The following PAK5 variants were observed in gnomAD, a reference collection of about 807,000 sequenced individuals.
PAK5 encodes serine/threonine-protein kinase PAK 5.
In PAK5, 16 loss-of-function variants were observed where a neutral mutation model predicts 65.9. The ratio of observed to expected loss-of-function variants is 0.24; its 90% CI spans 0.16 to 0.37. The LOEUF (loss-of-function observed/expected upper bound fraction) is 0.37, where lower values mean the gene tolerates loss of function less well. Among genes scored for constraint, PAK5 ranks in the 10% least tolerant of loss-of-function variants. The probability of loss-of-function intolerance (pLI) is 1.00; values close to 1 mark genes in which losing one functional copy is unlikely to be tolerated. For missense variants in PAK5, 785 were observed against 903.9 expected (o/e 0.87, Z 1.69); for synonymous variants, 371 against 354.9 (o/e 1.05, Z -0.51).
At chr20:9,760,655 T>C (rs1220892842) in intron 1 of PAK5, among the ~76,000 whole-genome samples, 1 of 143,642 alleles carries the variant, frequency 7.0e-6, no homozygotes, top group Non-Finnish European at 1.5e-5. Flanking sequence ...CTGACATTTA[T>C]CTTTTTTCTT....
chr20:9,565,117 A>G (rs990686568), intron 5 of PAK5, among the ~76,000 whole-genome samples: 3 of 152,028 alleles, frequency 2.0e-5, no homozygotes, highest in Middle Eastern at 3.4e-3. Flanking sequence ...ATTAATAAAT[A>G]TAAGTAATAC....
At chr20:9,552,380 T>G (rs1316777164) in intron 7 of PAK5, among the ~76,000 whole-genome samples, 1 of 152,192 alleles carries the variant, frequency 6.6e-6, no homozygotes, top group African/African-American at 2.4e-5. Flanking sequence ...TACACAACAC[T>G]TAATTACAAG....
intron 4 of PAK5, among the ~76,000 whole-genome samples, chr20:9,576,628 C>T (rs2045889730): frequency 6.6e-6 from 1 of 152,208 alleles, no homozygotes; most frequent in African/African-American, 2.4e-5. Flanking sequence ...AATGCAACTT[C>T]ATTGCTTCAG....
intron 3 of PAK5, among the ~76,000 whole-genome samples, chr20:9,604,150 C>T (rs1040055488): frequency 6.6e-6 from 1 of 152,140 alleles, no homozygotes; most frequent in Non-Finnish European, 1.5e-5. Context: ...CCGGGAGTGG[C>T]CAACCTGATT....
At chr20:9,624,288 A>G (rs149576295) in intron 3 of PAK5, among the ~76,000 whole-genome samples, 6 of 152,284 alleles carry the variant, frequency 3.9e-5, no homozygotes, top group Non-Finnish European at 8.8e-5. Context: ...TGTCTTGGTT[A>G]TCAATATCTC....
intron 2 of PAK5, among the ~76,000 whole-genome samples, chr20:9,684,109 A>G (rs1400193794): frequency 1.3e-5 from 2 of 152,204 alleles, no homozygotes; most frequent in Non-Finnish European, 2.9e-5. Context: ...ATAGGACTTT[A>G]TTGTGTTAAA....
intron 3 of PAK5, among the ~76,000 whole-genome samples, chr20:9,609,446 A>C (rs6086959): frequency 0.16 from 24,657 of 152,154 alleles, 2,775 homozygotes; most frequent in African/African-American, 0.32. Context: ...GTGTGAAAAC[A>C]CTGACAATTT....
At chr20:9,645,100 A>G (rs1489607668) in intron 2 of PAK5, among the ~76,000 whole-genome samples, 1 of 152,238 alleles carries the variant, frequency 6.6e-6, no homozygotes, top group Non-Finnish European at 1.5e-5. Flanking sequence ...TAATTACTTC[A>G]AGTATTAATT....
chr20:9,709,631 C>A (rs377627358), intron 2 of PAK5, among the ~76,000 whole-genome samples: 46 of 152,120 alleles, frequency 3.0e-4, no homozygotes, highest in African/African-American at 1.0e-3. Context: ...TGTTTTCTAA[C>A]GACAAAAAGC....
chr20:9,650,423 TG>T (rs113286544), intron 2 of PAK5, among the ~76,000 whole-genome samples: 111 of 152,326 alleles, frequency 7.3e-4, no homozygotes, highest in African/African-American at 2.5e-3. Context: ...ACAGGCAATT[TG>T]TAGGTGGAGA....
rs560889137 is a variant in PAK5 at position 9,733,528 on chromosome 20, T to C, written c.-161-22093A>G. On this transcript the variant is annotated intron_variant, in intron 1 of 9. Transcript: ENST00000353224. ...GGCACAATCTTGGTTCACTGCAACC[T>C]CTGCCTCCCAGGTTCAAGCAGTTCT... Among the ~76,000 whole-genome samples the C allele has an allele frequency of 1.2e-3, 186 of 152,180 alleles. 1 individual carries two copies. Among genetic ancestry groups the C allele is most frequent in the African/African-American group, 4.3e-3 (179 of 41,512 alleles).
chr20:9,688,223 C>T (rs2047746353), intron 2 of PAK5, among the ~76,000 whole-genome samples: 1 of 152,008 alleles, frequency 6.6e-6, no homozygotes, highest in African/African-American at 2.4e-5. Context: ...TATTTCCAAG[C>T]TAGACTTCTT....
At chr20:9,783,915 T>C (rs529566977) in intron 1 of PAK5, among the ~76,000 whole-genome samples, 18 of 152,282 alleles carry the variant, frequency 1.2e-4, no homozygotes, top group Non-Finnish European at 2.1e-4. Context: ...CTAACCCAAT[T>C]TTTGTATTCA....
rs1007850434 is a variant in PAK5 at position 9,558,795 on chromosome 20, C to T, written c.1617-1061G>A. ...ATGGATAGTATTTTAATAAATGGAC[C>T]ATGGGAATGAGAAACGAAGCAAAGC... is the stretch of plus-strand genomic sequence containing the variant. On this transcript the variant is annotated intron_variant, in intron 6 of 9. Transcript: ENST00000353224. Among the ~76,000 whole-genome samples, 2 of 152,214 alleles carry T rather than the reference C, an allele frequency of 1.3e-5. 1 individual carries two copies. Among genetic ancestry groups the T allele is most frequent in the Middle Eastern group, 6.8e-3 (2 of 294 alleles).
chr20:9,744,546 G>A (rs2048485402), intron 1 of PAK5, among the ~76,000 whole-genome samples: 1 of 152,150 alleles, frequency 6.6e-6, no homozygotes, highest in Non-Finnish European at 1.5e-5. Flanking sequence ...AACAAAGTAA[G>A]AGCTTGGAAT....
chr20:9,652,356 T>C (rs6108320), intron 2 of PAK5, among the ~76,000 whole-genome samples: 57,248 of 152,080 alleles, frequency 0.38, 11,573 homozygotes, highest in East Asian at 0.81. Context: ...GAAACATAGA[T>C]TACATATTTG....
At chr20:9,631,952 T>C (rs1022325253) in intron 3 of PAK5, among the ~76,000 whole-genome samples, 1 of 152,200 alleles carries the variant, frequency 6.6e-6, no homozygotes, top group Non-Finnish European at 1.5e-5. Context: ...GGATAGGATT[T>C]GATAGTTCCA....
intron 1 of PAK5, among the ~76,000 whole-genome samples, chr20:9,730,281 T>C (rs1245244807): frequency 6.6e-6 from 1 of 152,112 alleles, no homozygotes; most frequent in Non-Finnish European, 1.5e-5. Flanking sequence ...CAAAAAGTAG[T>C]ACAATTCAAA....
In PAK5 at chr20:9,660,245, C is replaced by T. The variant is rs565574023; in HGVS notation, c.-11-15906G>A. On this transcript the variant is annotated intron_variant, in intron 2 of 9. Transcript: ENST00000353224. ...TATACGGCAAAACAGAGGCACTGCA[C>T]GTGGATTACGCAGTAAACTGGCTGT... 1.1e-3 allele frequency among the ~76,000 whole-genome samples: 166 copies of T among 151,882 alleles called. 1 individual carries two copies. The highest frequency in any genetic ancestry group is 3.6e-3 in the African/African-American group (150 of 41,508).
Sources: gnomAD v4.1 joint callset for allele counts (sites outside exome capture counted in the v4.1 genomes callset) on GRCh38, gnomAD v4.1.1 for gene constraint, MANE v1.5 for transcripts, NCBI Gene and HGNC (gene_info 2026-07-23, HGNC 2026-07-21) for gene names.